The following SYTL2 variants were observed in gnomAD, a reference collection of about 807,000 sequenced individuals.
The protein encoded by SYTL2 is synaptotagmin-like protein 2.
In SYTL2, 165 loss-of-function variants were observed where a neutral mutation model predicts 198.7. The ratio of observed to expected loss-of-function variants is 0.83; its 90% confidence interval spans 0.73 to 0.94. The LOEUF is 0.94. Among genes scored for constraint, SYTL2 ranks in the 40% least tolerant of loss-of-function variants. The pLI, the probability that SYTL2 is intolerant of heterozygous loss-of-function variation, is 0.00. For synonymous variants in SYTL2, 966 were observed against 917.7 expected (o/e 1.05, Z -0.95); for missense variants, 2,835 against 2,582.8 (o/e 1.10, Z -2.12).
Position 85,707,468 on chromosome 11 carries a change from C to T in SYTL2, c.5979G>A (p.Val1993=), listed in dbSNP as rs750598374. 1.2e-6 allele frequency: 2 copies of T among 1,614,016 alleles called. No individual in the cohort carries two copies. Among genetic ancestry groups the T allele is most frequent in the Non-Finnish European group, 1.7e-6 (2 of 1,179,950 alleles). Residue 1993 remains valine, a synonymous_variant, in exon 15 of 20, where the codon GTG becomes GTA. Coordinates refer to ENST00000359152, the MANE Select transcript of SYTL2 (RefSeq NM_206927.4). ...GKMGKKKTLV[V]KKTLNPVYNE... The stretch of plus-strand genomic sequence containing the variant: ...TATACACAGGATTCAAGGTTTTCTT[C>T]ACTACGAGTGTTTTCTTCTTGCCCA...
At chr11:85,790,111 A>G (rs927966926) in intron 1 of SYTL2, among the ~76,000 whole-genome samples, 9 of 152,114 alleles carry the variant, frequency 5.9e-5, no homozygotes, top group African/African-American at 2.2e-4. Context: ...GTAATTTTTT[A>G]TAATATTTTT....
rs116639648 is a variant in SYTL2, at chr11:85,726,285, C to T, written c.3073G>A (p.Asp1025Asn). 3,886 of 1,613,834 alleles carry T rather than the reference C, an allele frequency of 2.4e-3. 86 individuals carry two copies. The African/African-American group carries it at 0.046, about 19-fold the overall frequency. Reference sequence around the variant, plus strand: ...GTATTTTTACCTGATAATTTAATGTCGCTGAATTCCTTGTGTTTCTGCCTA... The same window carrying T: ...GTATTTTTACCTGATAATTTAATGTTGCTGAATTCCTTGTGTTTCTGCCTA... The part of the protein sequence containing the change: ...FNRQKHKEFS[D>N]IKLSGKNTHE... Residue 1025 changes from aspartate to asparagine, a missense_variant, in exon 8 of 20, where the codon GAC (aspartate) becomes AAC (asparagine). By Grantham distance (23) the Asp-to-Asn change is conservative. Around this residue, in one of 3 missense-constraint regions of SYTL2, gnomAD observed 2,645 missense variants for 2,381.7 expected, o/e 1.11. Coordinates refer to ENST00000359152, the MANE Select transcript of SYTL2 (RefSeq NM_206927.4).
At chr11:85,850,228 T>C in the SYTL2 span, among the ~76,000 whole-genome samples, 4 of 150,612 alleles carry the variant, frequency 2.7e-5, no homozygotes, top group South Asian at 8.5e-4. Flanking sequence ...TCATGTCGTC[T>C]GCAAACAGGG....
chr11:85,851,918 G>T, the SYTL2 span, among the ~76,000 whole-genome samples: 1 of 152,162 alleles, frequency 6.6e-6, no homozygotes, highest in South Asian at 2.1e-4. Flanking sequence ...GGAAAACCAG[G>T]TTAACAGAAG....
At position 85,793,893 on chromosome 11, in the gene SYTL2, T is replaced by C. The variant is rs577062673; in HGVS notation, c.-390+17061A>G. On this transcript the variant is annotated intron_variant, in intron 1 of 19. Coordinates refer to ENST00000359152, the MANE Select transcript of SYTL2 (RefSeq NM_206927.4). ...GATATGAACCCTGGAAAATATTTAA[T>C]TAAATATAACTATGTGGTATGAAAA... is the stretch of plus-strand genomic sequence containing the variant. Among the ~76,000 whole-genome samples the C allele has an allele frequency of 2.0e-5, 3 of 152,358 alleles. No homozygotes were observed. In the South Asian group the frequency reaches 6.2e-4, roughly 32 times the overall value.
intron 12 of SYTL2, 100 bp from the exon 13 acceptor site, chr11:85,711,332 A>G (rs1367604074): frequency 2.3e-6 from 3 of 1,300,298 alleles, no homozygotes; most frequent in African/African-American, 3.0e-5. Flanking sequence ...TTCCACTGAC[A>G]TTTACGCAAG....
chr11:85,806,871 AG>A (rs1386041943), intron 1 of SYTL2, among the ~76,000 whole-genome samples: 5 of 152,244 alleles, frequency 3.3e-5, no homozygotes, highest in Non-Finnish European at 7.3e-5. Context: ...TCAGGGAGAA[AG>A]TGTGACTAAA....
rs150613443 is a variant in SYTL2 at position 85,734,605 on chromosome 11, T to C, written c.724A>G (p.Ile242Val). Residue 242 changes from isoleucine (I) to valine (V), a missense_variant, in exon 7 of 20, where the codon ATC becomes GTC. Physicochemically the swap from Ile to Val is conservative, Grantham distance 29. Coordinates refer to ENST00000359152, the MANE Select transcript of SYTL2 (RefSeq NM_206927.4). ...TTGTTTAAATCAGTTGATTTGTAGA[T>C]CATCTTCCTGGCTTTGGGGATTGGA... The part of the protein sequence containing the change: ...KAPIPKARKM[I>V]YKSTDLNKDD... 1.4e-5 allele frequency: 22 copies of C among 1,614,094 alleles called. No homozygotes were observed. The highest frequency in any genetic ancestry group is 3.3e-4 in the Middle Eastern group (2 of 6,084).
chr11:85,837,004 C>A, the SYTL2 span, among the ~76,000 whole-genome samples: 2 of 152,208 alleles, frequency 1.3e-5, no homozygotes, highest in East Asian at 3.8e-4. Context: ...TTGGTTTCAA[C>A]CCTTTGCTCC....
intron 1 of SYTL2, among the ~76,000 whole-genome samples, chr11:85,793,088 T>A (rs1382063277): frequency 3.9e-5 from 6 of 151,938 alleles, no homozygotes; most frequent in South Asian, 4.2e-4. Flanking sequence ...GCAATAAACA[T>A]ACGTGTGCAT....
At chr11:85,740,959 C>T (rs2090741461) in intron 4 of SYTL2, among the ~76,000 whole-genome samples, 1 of 152,218 alleles carries the variant, frequency 6.6e-6, no homozygotes, top group Non-Finnish European at 1.5e-5. Flanking sequence ...CTGCTATACC[C>T]AGCCACAAGG....
chr11:85,719,188 A>G, intron 9 of SYTL2: 1 of 1,277,864 alleles, frequency 7.8e-7, no homozygotes, highest in East Asian at 4.6e-5. Context: ...GATGCTAGCC[A>G]TGACTAACAC....
chr11:85,824,179 A>G, the SYTL2 span, among the ~76,000 whole-genome samples: 2 of 152,162 alleles, frequency 1.3e-5, no homozygotes, highest in African/African-American at 4.8e-5. Context: ...GCTGAGTAGT[A>G]TATGCTGGGG....
intron 15 of SYTL2, among the ~76,000 whole-genome samples, chr11:85,706,752 T>A (rs766488904): frequency 1.3e-5 from 2 of 152,164 alleles, no homozygotes; most frequent in African/African-American, 4.8e-5. Flanking sequence ...AGCAGAAAAA[T>A]AGCATAATCA....
chr11:85,729,183 A>C (rs2089552206), intron 7 of SYTL2, among the ~76,000 whole-genome samples: 1 of 152,184 alleles, frequency 6.6e-6, no homozygotes, highest in Non-Finnish European at 1.5e-5. Context: ...CAGATCAACG[A>C]TACAGAAAAT....
At chr11:85,799,397 C>G (rs1291164794) in intron 1 of SYTL2, among the ~76,000 whole-genome samples, 2 of 152,174 alleles carry the variant, frequency 1.3e-5, no homozygotes, top group Non-Finnish European at 2.9e-5. Context: ...AACTTCCTGC[C>G]ATGATGAACC....
At chr11:85,786,492 A>G (rs1025204941) in intron 1 of SYTL2, among the ~76,000 whole-genome samples, 7 of 152,226 alleles carry the variant, frequency 4.6e-5, no homozygotes, top group African/African-American at 1.4e-4. Context: ...GAAACTGGGT[A>G]AAGGGTACAC....
the SYTL2 span, among the ~76,000 whole-genome samples, chr11:85,825,115 G>A: frequency 6.6e-6 from 1 of 152,218 alleles, no homozygotes; most frequent in East Asian, 1.9e-4. Flanking sequence ...AGTGCCTGAT[G>A]CTGAGTGTGC....
the SYTL2 span, among the ~76,000 whole-genome samples, chr11:85,818,226 A>G: frequency 6.6e-6 from 1 of 151,956 alleles, no homozygotes; most frequent in Non-Finnish European, 1.5e-5. Flanking sequence ...TTAACCATAC[A>G]CTTCAAGGAT....
Sources: gnomAD v4.1 joint callset for allele counts (sites outside exome capture counted in the v4.1 genomes callset) on GRCh38, gnomAD v4.1.1 for gene constraint, gnomAD v4.1.1 regional missense constraint, MANE v1.5 for transcripts, NCBI Gene and HGNC (gene_info 2026-07-23, HGNC 2026-07-21) for gene names.